Variants in TNFRSF8 observed in about 807,000 individuals in gnomAD.
The protein encoded by TNFRSF8 is TNF receptor superfamily member 8, also known as tumor necrosis factor receptor superfamily member 8.
Under a neutral mutation model 70.8 loss-of-function variants are expected in TNFRSF8, and 26 were observed. That is an observed-to-expected ratio of 0.37 (90% CI 0.27 to 0.51). The LOEUF (loss-of-function observed/expected upper bound fraction) is 0.51. Ranked by LOEUF, TNFRSF8 falls within the 20% of genes least tolerant of loss-of-function variation. TNFRSF8 has a pLI of 0.94. For synonymous variants in TNFRSF8, 356 were observed against 339.2 expected (o/e 1.05, Z -0.54); for missense variants, 720 against 807.9 (o/e 0.89, Z 1.32).
intron 12 of TNFRSF8, 40 bp from the exon 13 acceptor site, chr1:12,135,548 C>T: frequency 6.2e-7 from 1 of 1,613,054 alleles, no homozygotes; most frequent in Non-Finnish European, 8.5e-7. Context: ...CCGGGGGCTG[C>T]CAGACTCCTT....
chr1:12,132,495 G>A (rs969077591), intron 12 of TNFRSF8, among the ~76,000 whole-genome samples: 1 of 152,226 alleles, frequency 6.6e-6, no homozygotes, highest in Non-Finnish European at 1.5e-5. Flanking sequence ...TTAGACTGGA[G>A]TTATGCATTG....
At chr1:12,067,672 TAA>T (rs879585197) in intron 1 of TNFRSF8, among the ~76,000 whole-genome samples, 1 of 145,406 alleles carries the variant, frequency 6.9e-6, no homozygotes, top group Non-Finnish European at 1.5e-5. Context: ...AGACTGTATT[TAA>T]AAAAAAAAAG....
At chr1:12,117,321 G>A (rs1038671418) in intron 8 of TNFRSF8, among the ~76,000 whole-genome samples, 1 of 152,118 alleles carries the variant, frequency 6.6e-6, no homozygotes, top group Non-Finnish European at 1.5e-5. Flanking sequence ...GACCTCAAGT[G>A]ATCTGCCCGC....
At chr1:12,065,163 A>C (rs147521339) in intron 1 of TNFRSF8, among the ~76,000 whole-genome samples, 1,770 of 143,542 alleles carry the variant, frequency 0.012, 35 homozygotes, top group African/African-American at 0.044. Flanking sequence ...GCTCACTGCA[A>C]CCTCTGCCTC....
intron 2 of TNFRSF8, among the ~76,000 whole-genome samples, chr1:12,087,457 T>C (rs1021357671): frequency 6.6e-6 from 1 of 152,210 alleles, no homozygotes; most frequent in Admixed American, 6.5e-5. Context: ...CATGAGCCAC[T>C]GTGCCAGGCC....
chr1:12,070,657 T>C (rs1640826402), intron 1 of TNFRSF8, among the ~76,000 whole-genome samples: 2 of 152,118 alleles, frequency 1.3e-5, no homozygotes. Flanking sequence ...CAACAGGACC[T>C]GTGGATGGGT....
intron 1 of TNFRSF8, among the ~76,000 whole-genome samples, chr1:12,067,431 G>A (rs1457723143): frequency 1.3e-5 from 2 of 152,190 alleles, no homozygotes; most frequent in Non-Finnish European, 2.9e-5. Flanking sequence ...GCTCACACCT[G>A]TAATCCCAGC....
intron 8 of TNFRSF8, 108 bp downstream of exon 8, chr1:12,115,837 C>T (rs1040269590): frequency 1.5e-5 from 19 of 1,255,738 alleles, no homozygotes; most frequent in Middle Eastern, 1.9e-4. Flanking sequence ...CCTACACCCT[C>T]GGCTGTTCAT....
chr1:12,124,682 C>G (rs34712586), intron 10 of TNFRSF8, among the ~76,000 whole-genome samples: 12,848 of 152,020 alleles, frequency 0.085, 681 homozygotes, highest in South Asian at 0.16. Flanking sequence ...ATTAGCCAGG[C>G]GTGGTGGCGC....
At chr1:12,123,851 C>A in intron 10 of TNFRSF8, 24 bp downstream of exon 10, 1 of 1,539,238 alleles carries the variant, frequency 6.5e-7, no homozygotes, top group African/African-American at 1.4e-5. Context: ...CCCACTCACC[C>A]CTACTCCCAG....
At chr1:12,100,624 G>C (rs1452964071) in intron 3 of TNFRSF8, among the ~76,000 whole-genome samples, 1 of 152,054 alleles carries the variant, frequency 6.6e-6, no homozygotes. Flanking sequence ...GGCCTACACA[G>C]AGTCAGGATC....
chr1:12,133,570 T>C lies in TNFRSF8; in HGVS notation c.1310-2018T>C, dbSNP rs535198542. Reference sequence around the variant, plus strand: ...GCCTGGCCAACATGGTGAAACCCCGTCTCTACTAAAAATACAAAAATTAGC... The same window carrying C: ...GCCTGGCCAACATGGTGAAACCCCGCCTCTACTAAAAATACAAAAATTAGC... On this transcript the variant is annotated intron_variant, in intron 12 of 14. Coordinates refer to ENST00000263932, the MANE Select transcript of TNFRSF8 (RefSeq NM_001243.5). Among the ~76,000 whole-genome samples, 15 of 151,164 alleles carry C rather than the reference T, an allele frequency of 9.9e-5. 1 individual carries two copies. Among genetic ancestry groups the C allele is most frequent in the African/African-American group, 3.6e-4 (15 of 41,122 alleles).
intron 1 of TNFRSF8, among the ~76,000 whole-genome samples, chr1:12,069,250 C>T (rs1449540410): frequency 6.9e-6 from 1 of 144,090 alleles, no homozygotes; most frequent in African/African-American, 2.6e-5. Context: ...GCTGTCTCAG[C>T]TCACTGCAAC....
At chr1:12,132,495 G>C (rs969077591) in intron 12 of TNFRSF8, among the ~76,000 whole-genome samples, 1 of 152,226 alleles carries the variant, frequency 6.6e-6, no homozygotes, top group African/African-American at 2.4e-5. Context: ...TTAGACTGGA[G>C]TTATGCATTG....
Position 12,142,791 on chromosome 1 carries a change from G to A in TNFRSF8, c.*260G>A, listed in dbSNP as rs1642281041. 2.2e-6 allele frequency: 1 copy of A among 463,406 alleles called. No homozygotes were observed. Among genetic ancestry groups the A allele is most frequent in the Middle Eastern group, 5.7e-4 (1 of 1,754 alleles). 28.7% of individuals were successfully genotyped at this position (463,406 alleles called of 1,614,324 possible). ...TCCAAGGGGACTGGATCCCAGCAGT[G>A]ATGTTGGTTGAGGCAGCAAACAGAT... On this transcript the variant is annotated 3_prime_UTR_variant, in exon 15 of 15. Transcript: ENST00000263932. The surrounding 1 kb of genome is among the most constrained non-coding windows in gnomAD (Gnocchi z 5.0).
chr1:12,124,489 A>G (rs58836335), intron 10 of TNFRSF8, among the ~76,000 whole-genome samples: 66,277 of 152,046 alleles, frequency 0.44, 14,583 homozygotes, highest in Admixed American at 0.55. Context: ...GAGACCGTGC[A>G]GGGTTATAAG....
At position 12,088,983 on chromosome 1, in the gene TNFRSF8, C is replaced by T. The variant is rs1373826968; in HGVS notation, c.151+4432C>T. 6.6e-6 allele frequency among the ~76,000 whole-genome samples: 1 copy of T among 152,206 alleles called. No homozygotes were observed. The highest frequency in any genetic ancestry group is 1.5e-5 in the Non-Finnish European group (1 of 68,028). ...CCAGCAGAGCCCCCTCACAGCACCT[C>T]CTGGCCCCCCACTGTCCCTGTGTGC... is the stretch of plus-strand genomic sequence containing the variant. On this transcript the variant is annotated intron_variant, in intron 2 of 14. Coordinates refer to ENST00000263932, the MANE Select transcript of TNFRSF8 (RefSeq NM_001243.5). The surrounding 1 kb of genome is among the most constrained non-coding windows in gnomAD (Gnocchi z 4.0).
intron 1 of TNFRSF8, among the ~76,000 whole-genome samples, chr1:12,067,792 G>A (rs1401497642): frequency 6.6e-6 from 1 of 151,860 alleles, no homozygotes. Flanking sequence ...TGCTAATCGT[G>A]GAATTTCAGG....
chr1:12,076,652 ACT>A (rs981621906), intron 1 of TNFRSF8, among the ~76,000 whole-genome samples: 2 of 151,956 alleles, frequency 1.3e-5, no homozygotes, highest in African/African-American at 2.4e-5. Context: ...ACTGGGGAAA[ACT>A]CAACTCGGCA....
Sources: allele counts gnomAD v4.1 joint callset (sites outside exome capture counted in the v4.1 genomes callset), GRCh38; gene constraint gnomAD v4.1.1; non-coding constraint Gnocchi (gnomAD v3.1); transcripts MANE v1.5; gene names NCBI Gene and HGNC (gene_info 2026-07-23, HGNC 2026-07-21).